Variants in IPO9 observed in about 807,000 individuals in gnomAD.
IPO9 encodes the protein importin 9.
IPO9 carries 28 observed loss-of-function variants against 128.6 expected under a neutral mutation model. The observed-to-expected ratio is 0.22, with a 90% CI of 0.16 to 0.30. IPO9 has a LOEUF of 0.30. Among genes scored for constraint, IPO9 ranks in the 10% least tolerant of loss-of-function variants. IPO9 has a pLI of 1.00. For synonymous variants in IPO9, 455 were observed against 475.8 expected (o/e 0.96, Z 0.57); for missense variants, 935 against 1,293.9 (o/e 0.72, Z 4.26).
chr1:201,855,956 G>A, intron 10 of IPO9, 22 bp downstream of exon 10: 1 of 1,547,680 alleles, frequency 6.5e-7, no homozygotes, highest in South Asian at 1.2e-5. Flanking sequence ...TTGAGAGACA[G>A]TTACCATCTT....
chr1:201,879,974 G>A lies in IPO9; in HGVS notation c.*3920G>A, dbSNP rs1192760253. On this transcript the variant is annotated 3_prime_UTR_variant, in exon 24 of 24. Transcript: ENST00000361565. ...GAATCACTTGAACCTGGGAGACAGA[G>A]GTTGCAGTGAGTCGAGATCACACCA... The A allele has an allele frequency of 6.6e-6, 1 of 152,212 alleles. No individual in the cohort carries two copies. The highest frequency in any genetic ancestry group is 1.5e-5 in the Non-Finnish European group (1 of 68,056). The allele number at this position is 152,212 out of a possible 1,614,324, so 9.4% of individuals were successfully genotyped here. A position where few individuals can be genotyped will look rare whatever the true frequency, so the allele number is the denominator to read the frequency against.
intron 1 of IPO9, among the ~76,000 whole-genome samples, chr1:201,841,988 A>G (rs1680043802): frequency 6.6e-6 from 1 of 152,230 alleles, no homozygotes; most frequent in Non-Finnish European, 1.5e-5. Flanking sequence ...GCAAACAAGC[A>G]GTCAGTTCTG....
rs771759512 is a variant in IPO9 at position 201,874,860 on chromosome 1, GGAGGAGGAA to G, written c.2871_2879del (p.Glu960_Glu962del). 2.5e-6 allele frequency: 4 copies of G among 1,613,274 alleles called. No homozygotes were observed. In the African/African-American group the frequency reaches 4.0e-5, roughly 16 times the overall value. On this transcript the variant is annotated inframe_deletion, in exon 22 of 24. Coordinates refer to ENST00000361565, the MANE Select transcript of IPO9 (RefSeq NM_018085.5). ...ACTCCAATGATATGTGGGAGGACCAGGAGGAGGAAGAGGAGGAGGAGGAGGATGGTTTAG... is the reference window on the plus strand; with the variant it reads ...ACTCCAATGATATGTGGGAGGACCAGGAGGAGGAGGAGGAGGATGGTTTAG...
rs543736305 is a variant in IPO9, at chr1:201,839,065, G to A, written c.164-8214G>A. Reference sequence around the variant, plus strand: ...CTCCCAAGTAGCTGGGACTACAGGCGCCCGCCACCACGCCCGGCTAATTTT... The same window carrying A: ...CTCCCAAGTAGCTGGGACTACAGGCACCCGCCACCACGCCCGGCTAATTTT... On this transcript the variant is annotated intron_variant, in intron 1 of 23. Coordinates refer to ENST00000361565, the MANE Select transcript of IPO9 (RefSeq NM_018085.5). Among the ~76,000 whole-genome samples the A allele has an allele frequency of 2.9e-3, 427 of 145,494 alleles. 1 individual carries two copies. Among genetic ancestry groups the A allele is most frequent in the African/African-American group, 0.01 (400 of 39,090 alleles).
chr1:201,854,582 T>C lies in IPO9; in HGVS notation c.691-13T>C, dbSNP rs1680293354. 6.2e-7 allele frequency: 1 copy of C among 1,612,870 alleles called. No homozygotes were observed. Among genetic ancestry groups the C allele is most frequent in the Non-Finnish European group, 8.5e-7 (1 of 1,179,864 alleles). ...GGGGTTTGTCCAGTATTGACTTTGG[T>C]TTCTGTTATCAGGGTGCAGCCAAAG... On this transcript the variant is annotated splice_polypyrimidine_tract_variant and intron_variant, in intron 6 of 23. Transcript: ENST00000361565.
At chr1:201,842,906 A>T (rs1261805935) in intron 1 of IPO9, among the ~76,000 whole-genome samples, 5 of 152,228 alleles carry the variant, frequency 3.3e-5, no homozygotes, top group Non-Finnish European at 7.3e-5. Context: ...GCTAAGAAGC[A>T]ATGTCATCTC....
chr1:201,830,292 C>T (rs1679809143), intron 1 of IPO9, among the ~76,000 whole-genome samples: 1 of 152,230 alleles, frequency 6.6e-6, no homozygotes. Flanking sequence ...TCCACCACCA[C>T]TTAAATACTT....
rs1680565265 is a variant in IPO9 at position 201,866,942 on chromosome 1, T to C, written c.1838T>C (p.Phe613Ser). ...SKICPFTIAI[F>S]LKYSNDPVVA... ...ATCTGCCCCTTCACCATCGCCATTT[T>C]CCTAAAGTACAGTAATGGTATGCTG... is the stretch of plus-strand genomic sequence containing the variant. The change falls in exon 15 of 24, where the codon TTC becomes TCC. Residue 613 changes from phenylalanine to serine, a missense_variant. Around this residue, in one of 3 missense-constraint regions of IPO9, gnomAD observed 741 missense variants for 1,019.1 expected, o/e 0.73. Transcript: ENST00000361565. 1 of 1,613,862 alleles carries C rather than the reference T, an allele frequency of 6.2e-7. No homozygotes were observed. Among genetic ancestry groups the C allele is most frequent in the Non-Finnish European group, 8.5e-7 (1 of 1,179,844 alleles).
chr1:201,860,369 A>G (rs1571550376), intron 13 of IPO9, among the ~76,000 whole-genome samples: 1 of 152,050 alleles, frequency 6.6e-6, no homozygotes, highest in Admixed American at 6.6e-5. Context: ...ATCCTGTTTC[A>G]CTCTGTACTT....
chr1:201,859,957 T>TAA (rs1184483412), intron 13 of IPO9, among the ~76,000 whole-genome samples: 1 of 142,158 alleles, frequency 7.0e-6, no homozygotes, highest in Non-Finnish European at 1.5e-5. Context: ...AGACTTGGTT[T>TAA]AAAAAAAAAA....
chr1:201,875,751 T>TA (rs371686369), intron 23 of IPO9, among the ~76,000 whole-genome samples, 193 bp from the exon 24 acceptor site: 21 of 152,282 alleles, frequency 1.4e-4, no homozygotes, highest in African/African-American at 5.1e-4. Context: ...CTTGGGGTGA[T>TA]ACAGCCTTGG....
Position 201,870,696 on chromosome 1 carries a change from G to T in IPO9, c.2247G>T (p.Gln749His). The change falls in exon 18 of 24, where the codon CAG (glutamine) becomes CAT (histidine). Residue 749 changes from glutamine to histidine, a missense_variant. This residue lies in a region of IPO9 where 741 missense variants were observed against 1,019.1 expected (regional missense o/e 0.73). Transcript: ENST00000361565. This position sits in a 1 kb window ranked among gnomAD's most constrained non-coding sequence, Gnocchi z 4.9. ...GLWYVMQVVS[Q>H]LLDPRTSEFT... The stretch of plus-strand genomic sequence containing the variant: ...GGTATGTGATGCAAGTGGTGAGCCA[G>T]CTCCTGGACCCCCGCACCTCAGAGT... 2 of 1,614,214 alleles carry T rather than the reference G, an allele frequency of 1.2e-6. No homozygotes were observed. Among genetic ancestry groups the T allele is most frequent in the Non-Finnish European group, 1.7e-6 (2 of 1,180,026 alleles).
chr1:201,853,347 C>T (rs970868122), intron 6 of IPO9, among the ~76,000 whole-genome samples: 5 of 151,702 alleles, frequency 3.3e-5, no homozygotes, highest in African/African-American at 1.2e-4. Context: ...GATCCCCTGA[C>T]CCCCAGTAGG....
intron 5 of IPO9, 56 bp from the exon 6 acceptor site, chr1:201,852,955 A>G (rs555179454): frequency 4.4e-6 from 6 of 1,366,562 alleles, no homozygotes; most frequent in Middle Eastern, 1.8e-4. Context: ...AGATACACAC[A>G]TACCTACACA....
intron 13 of IPO9, among the ~76,000 whole-genome samples, chr1:201,860,443 A>G (rs1430298577): frequency 1.3e-5 from 2 of 152,190 alleles, no homozygotes; most frequent in Non-Finnish European, 2.9e-5. Context: ...GAGAGTAGAA[A>G]TCATGTCTAA....
intron 6 of IPO9, 27 bp from the exon 7 acceptor site, chr1:201,854,568 A>G (rs1680293094): frequency 1.9e-6 from 3 of 1,611,384 alleles, no homozygotes; most frequent in Non-Finnish European, 8.5e-7. Flanking sequence ...GGGTTTGTCC[A>G]GTATTGACTT....
intron 5 of IPO9, 30 bp from the exon 6 acceptor site, chr1:201,852,981 T>A (rs1295203471): frequency 6.3e-7 from 1 of 1,578,604 alleles, no homozygotes; most frequent in Non-Finnish European, 8.7e-7. Flanking sequence ...GTCTCGTGGC[T>A]ATGCTGTTAT....
intron 1 of IPO9, among the ~76,000 whole-genome samples, chr1:201,830,112 A>G (rs1679805499): frequency 6.6e-6 from 1 of 152,244 alleles, no homozygotes. Context: ...GAGATTTTCT[A>G]TCAATTTCCT....
Position 201,874,842 on chromosome 1 carries a change from T to A in IPO9, c.2844T>A (p.Asn948Lys). 6.2e-7 allele frequency: 1 copy of A among 1,611,040 alleles called. No individual in the cohort carries two copies. The highest frequency in any genetic ancestry group is 2.2e-5 in the East Asian group (1 of 44,866). The change falls in exon 22 of 24, where the codon AAT becomes AAA. Residue 948 changes from asparagine (N) to lysine (K), a missense_variant. By Grantham distance (94) the Asn-to-Lys change is moderately conservative. Transcript: ENST00000361565. ...TPAEWSQDDSNDMWEDQEEEE... is the reference protein window; with the variant it reads ...TPAEWSQDDSKDMWEDQEEEE... Reference sequence around the variant, plus strand: ...TTCATCTCCAAGTAGATGACTCCAATGATATGTGGGAGGACCAGGAGGAGG... The same window carrying A: ...TTCATCTCCAAGTAGATGACTCCAAAGATATGTGGGAGGACCAGGAGGAGG...
Sources: allele counts gnomAD v4.1 joint callset (sites outside exome capture counted in the v4.1 genomes callset), GRCh38; gene constraint gnomAD v4.1.1; regional missense constraint gnomAD v4.1.1; non-coding constraint Gnocchi (gnomAD v3.1); transcripts MANE v1.5; gene names NCBI Gene and HGNC (gene_info 2026-07-23, HGNC 2026-07-21).